The following STOX2 variants were observed in gnomAD, a reference collection of about 807,000 sequenced individuals.
STOX2 encodes the protein storkhead box 2.
A neutral mutation model predicts 60.9 loss-of-function variants in STOX2; 28 were observed. The ratio of observed to expected loss-of-function variants is 0.46; its 90% CI spans 0.34 to 0.63. STOX2 has a LOEUF of 0.63. STOX2 is among the 30% of genes least tolerant of loss of function. The pLI, the probability that STOX2 is intolerant of heterozygous loss-of-function variation, is 0.01. For missense variants in STOX2, 1,024 were observed against 1,187.7 expected, an observed-to-expected ratio of 0.86 and a Z score of 2.03; for synonymous variants, 472 against 463.9, an observed-to-expected ratio of 1.02 and a Z score of -0.22.
chr4:183,965,166 G>A (rs776825389), intron 1 of STOX2, among the ~76,000 whole-genome samples: 2 of 152,162 alleles, frequency 1.3e-5, no homozygotes, highest in Admixed American at 6.5e-5. Flanking sequence ...CAGCATGTCC[G>A]TTTTCTTGGT....
chr4:183,918,801 C>T (rs1225854606), intron 1 of STOX2, among the ~76,000 whole-genome samples: 4 of 152,302 alleles, frequency 2.6e-5, no homozygotes, highest in African/African-American at 4.8e-5. Flanking sequence ...TACGAGCAGA[C>T]GGTTTGGCAG....
chr4:184,009,113 T>A lies in STOX2; in HGVS notation c.320-45T>A. On this transcript the variant is annotated intron_variant, in intron 2 of 3. Transcript: ENST00000308497. The surrounding 1 kb of genome is among the most constrained non-coding windows in gnomAD (Gnocchi z 4.0). ...ATCCTGGAAATCAGGAATCCACATG[T>A]TCTGTCTTCATTCTCACAAGTGGTT... The A allele has an allele frequency of 7.3e-7, 1 of 1,378,428 alleles. No individual in the cohort carries two copies. Among genetic ancestry groups the A allele is most frequent in the Non-Finnish European group, 9.8e-7 (1 of 1,025,564 alleles). 85.4% of individuals were successfully genotyped at this position (1,378,428 alleles called of 1,614,324 possible). A position where few individuals can be genotyped will look rare whatever the true frequency, so the allele number is the denominator to read the frequency against.
At chr4:183,890,357 C>T (rs137897773) in intron 1 of STOX2, among the ~76,000 whole-genome samples, 5 of 151,916 alleles carry the variant, frequency 3.3e-5, no homozygotes, top group African/African-American at 7.2e-5. Context: ...GCAGCTTGCA[C>T]CTGTAGTCCC....
rs1484259109 is a variant in STOX2 at position 183,821,504 on chromosome 4, G to A, written c.364+23449G>A. ...TTTCACCCATGACCCTTAAGAGAAT[G>A]CGGGTGATCCCAACCCTTGCTGCGA... is the stretch of plus-strand genomic sequence containing the variant. On this transcript the variant is annotated intron_variant, in intron 1 of 2. Transcript: ENST00000513034. This position sits in a 1 kb window ranked among gnomAD's most constrained non-coding sequence, Gnocchi z 4.2. Among the ~76,000 whole-genome samples, 1 of 152,242 alleles carries A rather than the reference G, an allele frequency of 6.6e-6. No homozygotes were observed. Among genetic ancestry groups the A allele is most frequent in the Non-Finnish European group, 1.5e-5 (1 of 68,044 alleles).
At chr4:183,800,354 ACT>A (rs1738733971) in intron 1 of STOX2, among the ~76,000 whole-genome samples, 1 of 151,886 alleles carries the variant, frequency 6.6e-6, no homozygotes, top group South Asian at 2.1e-4. Context: ...CCTGGCTGAA[ACT>A]CTGCTCTGAA....
chr4:183,831,216 A>G (rs562069197), intron 1 of STOX2, among the ~76,000 whole-genome samples: 2 of 152,250 alleles, frequency 1.3e-5, no homozygotes, highest in East Asian at 3.9e-4. Flanking sequence ...GAAAGGCAGG[A>G]TACAGTAGGT....
chr4:183,799,636 C>T (rs943514354), intron 1 of STOX2, among the ~76,000 whole-genome samples: 2 of 144,812 alleles, frequency 1.4e-5, no homozygotes, highest in Non-Finnish European at 3.0e-5. Flanking sequence ...GGTCTTACTG[C>T]ATTTATACCC....
intron 1 of STOX2, among the ~76,000 whole-genome samples, chr4:183,955,945 C>CA (rs111418386): frequency 2.1e-4 from 30 of 144,126 alleles, no homozygotes; most frequent in African/African-American, 8.1e-4. Context: ...CAGAGTGTGA[C>CA]AGCAGTCCAG....
intron 1 of STOX2, among the ~76,000 whole-genome samples, chr4:183,835,517 C>A (rs189815102): frequency 1.3e-5 from 2 of 152,262 alleles, no homozygotes; most frequent in Non-Finnish European, 2.9e-5. Flanking sequence ...AGCCACCGTG[C>A]CTGGCCAAAC....
intron 1 of STOX2, among the ~76,000 whole-genome samples, chr4:183,968,886 C>T (rs888487905): frequency 6.6e-6 from 1 of 152,196 alleles, no homozygotes; most frequent in Non-Finnish European, 1.5e-5. Context: ...CATATGACTT[C>T]CTTTTTCTTT....
chr4:183,807,396 C>A (rs1240744332), intron 1 of STOX2, among the ~76,000 whole-genome samples: 1 of 152,178 alleles, frequency 6.6e-6, no homozygotes, highest in African/African-American at 2.4e-5. Flanking sequence ...CTGGTGTGAC[C>A]CCTTTGGGAT....
chr4:184,012,055 T>C (rs1734193877), intron 3 of STOX2, among the ~76,000 whole-genome samples: 1 of 152,238 alleles, frequency 6.6e-6, no homozygotes, highest in Admixed American at 6.5e-5. Context: ...GTGCCATGTT[T>C]ATTTCTCCTC....
At chr4:183,926,768 C>T (rs181541986) in intron 1 of STOX2, among the ~76,000 whole-genome samples, 19 of 152,232 alleles carry the variant, frequency 1.2e-4, no homozygotes, top group Non-Finnish European at 1.6e-4. Flanking sequence ...GGACTTGGCA[C>T]GCGCCACCAT....
upstream of STOX2, among the ~76,000 whole-genome samples, chr4:183,901,218 C>T (rs1038492803): frequency 3.7e-4 from 57 of 152,302 alleles, no homozygotes; most frequent in African/African-American, 1.3e-3. Flanking sequence ...CAAGGTTCAT[C>T]CCTGTTGTAG....
intron 1 of STOX2, among the ~76,000 whole-genome samples, chr4:183,859,618 A>G (rs1306739411): frequency 6.6e-6 from 1 of 152,240 alleles, no homozygotes; most frequent in Non-Finnish European, 1.5e-5. Flanking sequence ...CACCCACAGG[A>G]CAGTTTTGAT....
In STOX2 at chr4:184,018,986, T is replaced by A. The variant is rs959472071; in HGVS notation, c.*1702T>A. On this transcript the variant is annotated 3_prime_UTR_variant, in exon 4 of 4. Transcript: ENST00000308497. ...TCCAATTTCAGTAATTGGCATATGA[T>A]TTGTGAGACGCATCTGTTTTTGTAT... 7 of 152,192 alleles carry A rather than the reference T, an allele frequency of 4.6e-5. No individual in the cohort carries two copies. Among genetic ancestry groups the A allele is most frequent in the African/African-American group, 1.7e-4 (7 of 41,440 alleles). 9.4% of individuals were successfully genotyped at this position (152,192 alleles called of 1,614,324 possible). A position where few individuals can be genotyped will look rare whatever the true frequency, so the allele number is the denominator to read the frequency against.
rs913964157 is a variant in STOX2 at position 184,018,199 on chromosome 4, C to G, written c.*915C>G. 3.9e-5 allele frequency: 6 copies of G among 152,126 alleles called. No individual in the cohort carries two copies. The highest frequency in any genetic ancestry group is 5.9e-5 in the Non-Finnish European group (4 of 68,020). The allele number at this position is 152,126 out of a possible 1,614,324, so 9.4% of individuals were successfully genotyped here. A position where few individuals can be genotyped will look rare whatever the true frequency, so the allele number is the denominator to read the frequency against. ...TGACCCTATCTTACTCTAATAGATA[C>G]AATAATTAGTTTGTTTAAAAGCAAA... On this transcript the variant is annotated 3_prime_UTR_variant, in exon 4 of 4. Coordinates refer to ENST00000308497, the MANE Select transcript of STOX2 (RefSeq NM_020225.3).
chr4:183,963,226 C>G (rs112692577), intron 1 of STOX2, among the ~76,000 whole-genome samples: 5,114 of 152,138 alleles, frequency 0.034, 295 homozygotes, highest in African/African-American at 0.12. Flanking sequence ...TATGAGGAGA[C>G]AGTATTTGTT....
At chr4:183,807,522 C>A (rs367862192) in intron 1 of STOX2, among the ~76,000 whole-genome samples, 1 of 152,188 alleles carries the variant, frequency 6.6e-6, no homozygotes, top group South Asian at 2.1e-4. Flanking sequence ...CGTGTCTCAT[C>A]GCCTTCCCTC....
Sources: allele counts gnomAD v4.1 joint callset (sites outside exome capture counted in the v4.1 genomes callset), GRCh38; gene constraint gnomAD v4.1.1; non-coding constraint Gnocchi (gnomAD v3.1); transcripts MANE v1.5; gene names NCBI Gene and HGNC (gene_info 2026-07-23, HGNC 2026-07-21).